Variants in RNASEL observed in about 807,000 individuals in gnomAD.
RNASEL encodes the protein ribonuclease L, also known as 2-5A-dependent ribonuclease.
Under a neutral mutation model 50.9 loss-of-function variants are expected in RNASEL, and 36 were observed. That is an observed-to-expected ratio of 0.71 (90% CI 0.54 to 0.93). The LOEUF is 0.93. Ranked by LOEUF, RNASEL falls within the 40% of genes least tolerant of loss-of-function variation. RNASEL has a pLI of 0.00. For missense variants in RNASEL, 860 were observed against 894.5 expected (o/e 0.96, Z 0.49); for synonymous variants, 335 against 335.6 (o/e 1.00, Z 0.02).
In RNASEL at chr1:182,588,715, C is replaced by T. The variant is rs535975531; in HGVS notation, c.-165+452G>A. Among the ~76,000 whole-genome samples the T allele has an allele frequency of 5.9e-5, 9 of 152,306 alleles. No individual in the cohort carries two copies. In the East Asian group the frequency reaches 1.5e-3, roughly 26 times the overall value. ...TTTAATTAATTGTGCAACACATACA[C>T]GATCACCAGGCAATGAAATCTTTGA... On this transcript the variant is annotated intron_variant, in intron 1 of 6. Coordinates refer to ENST00000367559, the MANE Select transcript of RNASEL (RefSeq NM_021133.4).
chr1:182,584,024 T>TAC (rs1242320390), intron 3 of RNASEL, 57 bp downstream of exon 3: 10 of 1,295,316 alleles, frequency 7.7e-6, no homozygotes, highest in Non-Finnish European at 1.1e-5. Flanking sequence ...CCCTGACTAC[T>TAC]ACATGAAAGA....
In RNASEL at chr1:182,582,169, T is replaced by G; in HGVS notation, c.1656A>C (p.Gln552His). The change falls in exon 4 of 7, where the codon CAA (glutamine) becomes CAC (histidine). Residue 552 changes from glutamine (Q) to histidine (H), a missense_variant. Transcript: ENST00000367559. ...LKAQSNEEVV[Q>H]LSPDEETKDL... ...CCTTAGTTTCCTCATCTGGAGAAAGTTGAACCACCTCTTCATTACTTTGAG... is the reference window on the plus strand; with the variant it reads ...CCTTAGTTTCCTCATCTGGAGAAAGGTGAACCACCTCTTCATTACTTTGAG... The G allele has an allele frequency of 4.3e-6, 7 of 1,614,228 alleles. No individual in the cohort carries two copies. Among genetic ancestry groups the G allele is most frequent in the Non-Finnish European group, 5.9e-6 (7 of 1,180,040 alleles).
chr1:182,586,403 TAC>T lies in RNASEL; in HGVS notation c.402_403del (p.Tyr135TrpfsTer2). On this transcript the variant is annotated frameshift_variant, in exon 2 of 7. Transcript: ENST00000367559. LOFTEE classifies it high-confidence loss of function. ...GAATTTTAGGGCTTTGACCTTACCATACACAGCGGCTTCCATGAAGGCTGTGA... is the reference window on the plus strand; with the variant it reads ...GAATTTTAGGGCTTTGACCTTACCATACAGCGGCTTCCATGAAGGCTGTGA... The T allele has an allele frequency of 6.2e-7, 1 of 1,614,190 alleles. No homozygotes were observed. The highest frequency in any genetic ancestry group is 1.1e-5 in the South Asian group (1 of 91,080).
Position 182,581,357 on chromosome 1 carries a change from G to A in RNASEL, c.1773C>T (p.Ser591=), listed in dbSNP as rs1214833035. The change falls in exon 5 of 7, where the codon AGC becomes AGT. Residue 591 remains serine (S), a splice_region_variant and synonymous_variant. Transcript: ENST00000367559. ...LGHPFFWTWE[S]RYRTLRNVGN... is the part of the protein sequence containing the mutation. ...CCACATTCCGAAGCGTCCTATAGCGGCTGAAGATGACTAAATGATCTAAAT... is the reference window on the plus strand; with the variant it reads ...CCACATTCCGAAGCGTCCTATAGCGACTGAAGATGACTAAATGATCTAAAT... The A allele has an allele frequency of 1.9e-6, 3 of 1,613,926 alleles. No homozygotes were observed. Among genetic ancestry groups the A allele is most frequent in the South Asian group, 2.2e-5 (2 of 91,070 alleles).
At position 182,574,715 on chromosome 1, in the gene RNASEL, T is replaced by C. The variant is rs1661348549; in HGVS notation, c.*677A>G. 4.3e-6 allele frequency: 1 copy of C among 232,628 alleles called. No individual in the cohort carries two copies. Among genetic ancestry groups the C allele is most frequent in the Non-Finnish European group, 8.5e-6 (1 of 117,960 alleles). The allele number at this position is 232,628 out of a possible 1,614,324, so 14.4% of individuals were successfully genotyped here. A position where few individuals can be genotyped will look rare whatever the true frequency, so the allele number is the denominator to read the frequency against. On this transcript the variant is annotated 3_prime_UTR_variant, in exon 7 of 7. Coordinates refer to ENST00000367559, the MANE Select transcript of RNASEL (RefSeq NM_021133.4). ...AGACTCTGCCAAATGCTCTCTTCAG[T>C]GCAAAATTGCCCCCCAGTTGAGAAC...
Position 182,586,457 on chromosome 1 carries a change from T to A in RNASEL, c.350A>T (p.Asp117Val), listed in dbSNP as rs775853397. 6.2e-7 allele frequency: 1 copy of A among 1,614,062 alleles called. No homozygotes were observed. The highest frequency in any genetic ancestry group is 8.5e-7 in the Non-Finnish European group (1 of 1,179,918). ...LLKLFLSKGA[D>V]VNECDFYGFT... ...GCCATAAAAATCACACTCATTGACA[T>A]CTGCTCCTTTAGAAAGGAAAAGTTT... is the stretch of plus-strand genomic sequence containing the variant. Residue 117 changes from aspartate to valine, a missense_variant, in exon 2 of 7, where the codon GAT becomes GTT. Transcript: ENST00000367559.
intron 5 of RNASEL, among the ~76,000 whole-genome samples, chr1:182,581,016 T>C (rs562190945): frequency 1.2e-3 from 187 of 152,172 alleles, no homozygotes; most frequent in African/African-American, 3.5e-3. Flanking sequence ...TGGGTCTGAA[T>C]GGGAGAGAGG....
rs1321934969 is a variant in RNASEL at position 182,585,560 on chromosome 1, T to C, written c.1247A>G (p.His416Arg). ...SCLQSSRENS[H>R]LVTFYGSESH... ...CTCACTCCCATAGAATGTCACCAAG[T>C]GACTGTTCTCTCGGCTGCTTTGCAG... The change falls in exon 2 of 7, where the codon CAC (histidine) becomes CGC (arginine). Residue 416 changes from histidine (H) to arginine (R), a missense_variant. Coordinates refer to ENST00000367559, the MANE Select transcript of RNASEL (RefSeq NM_021133.4). 1.2e-6 allele frequency: 2 copies of C among 1,614,090 alleles called. No individual in the cohort carries two copies. The highest frequency in any genetic ancestry group is 1.7e-5 in the Admixed American group (1 of 60,008).
At chr1:182,583,951 T>G in intron 3 of RNASEL, 130 bp downstream of exon 3, 1 of 751,118 alleles carries the variant, frequency 1.3e-6, no homozygotes, top group South Asian at 1.4e-5. Context: ...TGTGAGTCAA[T>G]TCTCCTTAAT....
chr1:182,578,503 T>C (rs963900128), intron 5 of RNASEL: 2 of 152,324 alleles, frequency 1.3e-5, no homozygotes, highest in East Asian at 3.9e-4. Flanking sequence ...GAGAAAAGAA[T>C]GTACTGAGTA....
intron 4 of RNASEL, 39 bp downstream of exon 4, chr1:182,582,014 T>C (rs1242183830): frequency 5.4e-5 from 86 of 1,580,334 alleles, no homozygotes; most frequent in Non-Finnish European, 7.4e-5. Context: ...ACCCTTTCCA[T>C]CCTGGAGGCC....
intron 2 of RNASEL, 57 bp downstream of exon 2, chr1:182,585,270 C>T: frequency 6.4e-7 from 1 of 1,566,892 alleles, no homozygotes; most frequent in African/African-American, 1.4e-5. Flanking sequence ...AAAACTTTTC[C>T]TATCATAAAC....
intron 5 of RNASEL, chr1:182,579,209 C>T: frequency 1.0e-6 from 1 of 975,930 alleles, no homozygotes; most frequent in Non-Finnish European, 1.2e-6. Flanking sequence ...TATACTAGTA[C>T]CCTCTAAAAT....
chr1:182,574,016 C>A lies in RNASEL; in HGVS notation c.*1376G>T. On this transcript the variant is annotated 3_prime_UTR_variant, in exon 7 of 7. Transcript: ENST00000367559. ...TAGAGGAAATCAAAATGTTTCTAAC[C>A]TTAGTTTCCTCATCAGCAAAATAGG... is the stretch of plus-strand genomic sequence containing the variant. The A allele has an allele frequency of 5.0e-6, 1 of 199,588 alleles. No homozygotes were observed. The highest frequency in any genetic ancestry group is 1.0e-5 in the Non-Finnish European group (1 of 96,690). The allele number at this position is 199,588 out of a possible 1,614,324, so 12.4% of individuals were successfully genotyped here.
chr1:182,575,417 C>A lies in RNASEL; in HGVS notation c.2201G>T (p.Ser734Ile). The A allele has an allele frequency of 3.7e-6, 6 of 1,614,192 alleles. No homozygotes were observed. The highest frequency in any genetic ancestry group is 5.1e-6 in the Non-Finnish European group (6 of 1,180,036). ...TCAGCACCCAGGGCTGGCCAACCCA[C>A]TGGCCCCACCAGCTCCATCACACTG... is the stretch of plus-strand genomic sequence containing the variant. ...KPQCDGAGGA[S>I]GLASPGC Residue 734 changes from serine to isoleucine, a missense_variant, in exon 7 of 7, where the codon AGT (serine) becomes ATT (isoleucine). Coordinates refer to ENST00000367559, the MANE Select transcript of RNASEL (RefSeq NM_021133.4).
rs1339057596 is a variant in RNASEL, at chr1:182,574,237, T to C, written c.*1155A>G. On this transcript the variant is annotated 3_prime_UTR_variant, in exon 7 of 7. Transcript: ENST00000367559. ...CAGACTTTTTGCTTGGCAGTGAAGA[T>C]ACAAAGTCAAGAAAAGACAGCCATC... is the stretch of plus-strand genomic sequence containing the variant. The C allele has an allele frequency of 4.4e-6, 1 of 224,864 alleles. No individual in the cohort carries two copies. The highest frequency in any genetic ancestry group is 2.2e-5 in the African/African-American group (1 of 44,854). 13.9% of individuals were successfully genotyped at this position (224,864 alleles called of 1,614,324 possible).
At position 182,585,291 on chromosome 1, in the gene RNASEL, C is replaced by T. The variant is rs185948854; in HGVS notation, c.1480+36G>A. On this transcript the variant is annotated intron_variant, in intron 2 of 6. Coordinates refer to ENST00000367559, the MANE Select transcript of RNASEL (RefSeq NM_021133.4). ...TTTCCTATCATAAACAAAGATCCCA[C>T]AATTTCTAAGAGAGAATTGGGGATT... 2.8e-4 allele frequency: 447 copies of T among 1,603,276 alleles called. 2 individuals are homozygous for T. In the African/African-American group the frequency reaches 5.5e-3, roughly 20 times the overall value.
intron 5 of RNASEL, chr1:182,579,857 T>C: frequency 6.8e-6 from 4 of 585,054 alleles, no homozygotes; most frequent in Non-Finnish European, 1.2e-5. Flanking sequence ...GTAAATGAGT[T>C]GGTAGACTTG....
intron 4 of RNASEL, 81 bp from the exon 5 acceptor site, chr1:182,581,438 T>C: frequency 6.5e-7 from 1 of 1,548,634 alleles, no homozygotes; most frequent in Non-Finnish European, 8.9e-7. Context: ...AACCGTTAGA[T>C]TTTGGTGTTT....
Sources: gnomAD v4.1 joint callset for allele counts (sites outside exome capture counted in the v4.1 genomes callset) on GRCh38, gnomAD v4.1.1 for gene constraint, MANE v1.5 for transcripts, NCBI Gene and HGNC (gene_info 2026-07-23, HGNC 2026-07-21) for gene names.